MAPKAP1: variants seen among roughly 807,000 people sequenced by gnomAD.
MAPKAP1 encodes the protein target of rapamycin complex 2 subunit MAPKAP1.
Under a neutral mutation model 65.7 loss-of-function variants are expected in MAPKAP1, and 20 were observed. The ratio of observed to expected loss-of-function variants is 0.30; its 90% CI spans 0.21 to 0.44. The LOEUF (loss-of-function observed/expected upper bound fraction) is 0.44, where lower values mean the gene tolerates loss of function less well. MAPKAP1 is among the 20% of genes least tolerant of loss of function. The probability of loss-of-function intolerance (pLI) is 1.00; values close to 1 mark genes in which losing one functional copy is unlikely to be tolerated. For synonymous variants in MAPKAP1, 222 were observed against 244.3 expected (o/e 0.91, Z 0.85); for missense variants, 423 against 648.0 (o/e 0.65, Z 3.77).
chr9:125,521,793 A>T (rs1227261637), intron 7 of MAPKAP1: 1 of 1,606,200 alleles, frequency 6.2e-7, no homozygotes. Context: ...AAGAAACAAA[A>T]ATGAGACTTC....
intron 4 of MAPKAP1, among the ~76,000 whole-genome samples, chr9:125,607,749 G>A (rs753045323): frequency 3.9e-5 from 6 of 152,082 alleles, no homozygotes; most frequent in Non-Finnish European, 8.8e-5. Flanking sequence ...TCCGCCTCCC[G>A]GGTTCAAGCG....
chr9:125,668,235 C>T (rs545736359), intron 3 of MAPKAP1, among the ~76,000 whole-genome samples: 66 of 152,144 alleles, frequency 4.3e-4, no homozygotes, highest in Non-Finnish European at 7.3e-4. Context: ...GGACACAAAA[C>T]ATCTCATTAT....
At chr9:125,650,375 C>G (rs1003597740) in intron 4 of MAPKAP1, 1 of 152,222 alleles carries the variant, frequency 6.6e-6, no homozygotes, top group Non-Finnish European at 1.5e-5. Context: ...CGGTCTTCCC[C>G]CAGAGCTTCA....
chr9:125,494,799 C>CCT (rs1402860928), intron 8 of MAPKAP1, among the ~76,000 whole-genome samples: 1 of 152,168 alleles, frequency 6.6e-6, no homozygotes, highest in Admixed American at 6.5e-5. Flanking sequence ...CTTACTCAAG[C>CCT]CTCTCATTCT....
At chr9:125,481,045 G>T (rs1191644911) in intron 9 of MAPKAP1, among the ~76,000 whole-genome samples, 1 of 146,994 alleles carries the variant, frequency 6.8e-6, no homozygotes, top group Non-Finnish European at 1.5e-5. Flanking sequence ...AATGTTAAAA[G>T]GTAAACATTA....
intron 7 of MAPKAP1, among the ~76,000 whole-genome samples, chr9:125,525,986 G>A (rs1294991871): frequency 1.3e-5 from 2 of 152,202 alleles, no homozygotes; most frequent in Non-Finnish European, 2.9e-5. Flanking sequence ...ACTGACGTAG[G>A]CGTTCAGGAG....
chr9:125,516,229 G>C (rs897413872), intron 7 of MAPKAP1, among the ~76,000 whole-genome samples: 1 of 152,198 alleles, frequency 6.6e-6, no homozygotes, highest in Non-Finnish European at 1.5e-5. Flanking sequence ...GCTGATGAGA[G>C]TATTGGGGAA....
intron 4 of MAPKAP1, among the ~76,000 whole-genome samples, chr9:125,626,062 G>A (rs1833109857): frequency 6.6e-6 from 1 of 152,176 alleles, no homozygotes; most frequent in Admixed American, 6.5e-5. Flanking sequence ...TTAAGAAAAT[G>A]CTTTGTACAA....
chr9:125,550,921 G>A (rs1276330432), intron 6 of MAPKAP1, among the ~76,000 whole-genome samples: 1 of 152,148 alleles, frequency 6.6e-6, no homozygotes, highest in African/African-American at 2.4e-5. Flanking sequence ...AAGAACACAA[G>A]CATCTTCTTT....
chr9:125,490,885 C>T (rs1854685389), intron 8 of MAPKAP1, among the ~76,000 whole-genome samples: 1 of 152,106 alleles, frequency 6.6e-6, no homozygotes, highest in African/African-American at 2.4e-5. Flanking sequence ...CACCTGTAAT[C>T]CCAGCACTTT....
intron 6 of MAPKAP1, among the ~76,000 whole-genome samples, chr9:125,553,434 C>T (rs763343987): frequency 6.6e-6 from 1 of 151,742 alleles, no homozygotes. Context: ...CACAGCTACT[C>T]GGGAGGCTGA....
chr9:125,656,154 G>A (rs1170070908), intron 4 of MAPKAP1, among the ~76,000 whole-genome samples: 1 of 152,174 alleles, frequency 6.6e-6, no homozygotes, highest in Non-Finnish European at 1.5e-5. Context: ...TCAGGCAATG[G>A]AAGCAAATAA....
intron 7 of MAPKAP1, among the ~76,000 whole-genome samples, chr9:125,535,541 A>T (rs918724638): frequency 6.6e-6 from 1 of 152,190 alleles, no homozygotes; most frequent in African/African-American, 2.4e-5. Flanking sequence ...CACAGAGCTT[A>T]AGAGCACAGA....
chr9:125,438,821 T>C lies in MAPKAP1; in HGVS notation c.*66A>G. The C allele has an allele frequency of 6.2e-7, 1 of 1,606,500 alleles. No individual in the cohort carries two copies. Among genetic ancestry groups the C allele is most frequent in the Non-Finnish European group, 8.5e-7 (1 of 1,175,522 alleles). On this transcript the variant is annotated 3_prime_UTR_variant, in exon 12 of 12. Transcript: ENST00000265960. ...GAGGACTTCAGGACACCGGGTGGAC[T>C]CTAGGGCACTTGGCCCTGGCAGGCA...
intron 7 of MAPKAP1, among the ~76,000 whole-genome samples, chr9:125,528,840 T>G (rs1404695317): frequency 1.2e-5 from 1 of 80,254 alleles, no homozygotes; most frequent in Admixed American, 2.0e-4. Flanking sequence ...AGAGTGAGAC[T>G]CCGTCTCAAA....
intron 9 of MAPKAP1, among the ~76,000 whole-genome samples, chr9:125,472,330 T>G (rs1589220107): frequency 6.6e-6 from 1 of 152,212 alleles, no homozygotes; most frequent in East Asian, 1.9e-4. Context: ...TCAGAAGATG[T>G]ATTAATAATA....
chr9:125,520,120 T>C, intron 7 of MAPKAP1, among the ~76,000 whole-genome samples: 1 of 152,214 alleles, frequency 6.6e-6, no homozygotes, highest in East Asian at 1.9e-4. Flanking sequence ...TTACTTAGCC[T>C]TTCTGTGCAT....
At chr9:125,465,004 A>C (rs1853625315) in intron 10 of MAPKAP1, among the ~76,000 whole-genome samples, 1 of 152,068 alleles carries the variant, frequency 6.6e-6, no homozygotes, top group South Asian at 2.1e-4. Context: ...GGACAACTTC[A>C]TTATCCTCCC....
At chr9:125,627,103 T>G (rs1372488219) in intron 4 of MAPKAP1, among the ~76,000 whole-genome samples, 3 of 152,202 alleles carry the variant, frequency 2.0e-5, no homozygotes, top group African/African-American at 7.2e-5. Flanking sequence ...GCAATTCATA[T>G]GTAACAATGA....
Sources: allele counts gnomAD v4.1 joint callset (sites outside exome capture counted in the v4.1 genomes callset), GRCh38; gene constraint gnomAD v4.1.1; transcripts MANE v1.5; gene names NCBI Gene and HGNC (gene_info 2026-07-23, HGNC 2026-07-21).